PKN2: variants seen among roughly 807,000 people sequenced by gnomAD.
PKN2 encodes the protein protein kinase N2.
In PKN2, 38 loss-of-function variants were observed where a neutral mutation model predicts 119.1. The ratio of observed to expected loss-of-function variants is 0.32; its 90% CI spans 0.25 to 0.42. PKN2 has a LOEUF of 0.42. PKN2 is among the 10% of genes least tolerant of loss of function. The probability of loss-of-function intolerance (pLI) is 1.00; values close to 1 mark genes in which losing one functional copy is unlikely to be tolerated. For synonymous variants in PKN2, 390 were observed against 384.9 expected (o/e 1.01, Z -0.15); for missense variants, 850 against 1,165.1 (o/e 0.73, Z 3.94).
rs187904669 is a variant in PKN2, at chr1:88,833,569, A to G, written c.*121A>G. 864 of 707,396 alleles carry G rather than the reference A, an allele frequency of 1.2e-3. 12 individuals carry two copies. The highest frequency in any genetic ancestry group is 6.0e-5 in the Non-Finnish European group (25 of 417,068). The allele number at this position is 707,396 out of a possible 1,614,324, so 43.8% of individuals were successfully genotyped here. On this transcript the variant is annotated 3_prime_UTR_variant, in exon 22 of 22. Transcript: ENST00000370521. ...TTTTTTGTTGTTGTTGTTTTTATTGAAACACGTGAAGATTTGTTTAAAAGT... is the reference window on the plus strand; with the variant it reads ...TTTTTTGTTGTTGTTGTTTTTATTGGAACACGTGAAGATTTGTTTAAAAGT...
At chr1:88,808,773 A>G (rs1251507922) in intron 15 of PKN2, among the ~76,000 whole-genome samples, 1 of 152,162 alleles carries the variant, frequency 6.6e-6, no homozygotes, top group Non-Finnish European at 1.5e-5. Flanking sequence ...TTTTTCTTAC[A>G]CCACTGTAGG....
At chr1:88,729,540 C>G (rs991869562) in intron 1 of PKN2, among the ~76,000 whole-genome samples, 7 of 152,182 alleles carry the variant, frequency 4.6e-5, no homozygotes, top group Non-Finnish European at 1.5e-5. Context: ...CCTCTTTCCA[C>G]ATGGTTTCTC....
At chr1:88,752,515 C>T (rs1367121542) in intron 2 of PKN2, among the ~76,000 whole-genome samples, 3 of 151,906 alleles carry the variant, frequency 2.0e-5, no homozygotes, top group Non-Finnish European at 2.9e-5. Flanking sequence ...ATTAAAATTT[C>T]GTGGAATGCA....
chr1:88,806,476 A>C (rs1671545385), intron 12 of PKN2, among the ~76,000 whole-genome samples: 1 of 150,656 alleles, frequency 6.6e-6, no homozygotes, highest in South Asian at 2.1e-4. Flanking sequence ...AGCCGAATTT[A>C]TGTTTCTTAT....
intron 1 of PKN2, among the ~76,000 whole-genome samples, chr1:88,716,736 G>T (rs1667473839): frequency 6.6e-6 from 1 of 152,110 alleles, no homozygotes; most frequent in South Asian, 2.1e-4. Context: ...GATGGGTCTT[G>T]ACTGTTTATC....
chr1:88,771,670 C>T lies in PKN2; in HGVS notation c.776C>T (p.Ala259Val), dbSNP rs375574349. The T allele has an allele frequency of 9.3e-6, 15 of 1,613,070 alleles. No homozygotes were observed. The highest frequency in any genetic ancestry group is 1.1e-5 in the Non-Finnish European group (13 of 1,179,304). ...GTCTTTTCCCTGTGCAAGGCTCAAG[C>T]AAGATTTAATGAATCAAGTCAGAAG... ...TDRKALSEAQ[A>V]RFNESSQKLD... Residue 259 changes from alanine (A) to valine (V), a missense_variant, in exon 6 of 22, where the codon GCA (alanine) becomes GTA (valine). Physicochemically the swap from Ala to Val is moderately conservative, Grantham distance 64. Around this residue, in one of 9 missense-constraint regions of PKN2, gnomAD observed 350 missense variants for 511.1 expected, o/e 0.68. Transcript: ENST00000370521.
chr1:88,765,147 T>C (rs572087310), intron 3 of PKN2, among the ~76,000 whole-genome samples: 4 of 152,238 alleles, frequency 2.6e-5, no homozygotes, highest in African/African-American at 9.6e-5. Context: ...CAGGCTGGTC[T>C]TGAGCTCCTG....
At chr1:88,817,292 C>G (rs1365688732) in intron 16 of PKN2, among the ~76,000 whole-genome samples, 1 of 151,004 alleles carries the variant, frequency 6.6e-6, no homozygotes, top group Non-Finnish European at 1.5e-5. Flanking sequence ...GAACCAATGA[C>G]AAAAACTACA....
chr1:88,687,066 A>G (rs2100638499), intron 1 of PKN2, among the ~76,000 whole-genome samples: 1 of 152,256 alleles, frequency 6.6e-6, no homozygotes, highest in African/African-American at 2.4e-5. Flanking sequence ...ATATTTATTT[A>G]GAAATATATC....
chr1:88,815,344 A>G (rs113360887), intron 16 of PKN2: 8 of 241,480 alleles, frequency 3.3e-5, no homozygotes, highest in African/African-American at 1.4e-4. Context: ...TCTCAGATCA[A>G]AGGTCATTTC....
chr1:88,791,661 C>A (rs1208070114), intron 8 of PKN2, among the ~76,000 whole-genome samples: 2 of 152,134 alleles, frequency 1.3e-5, no homozygotes, highest in Non-Finnish European at 1.5e-5. Flanking sequence ...CAAACTACTT[C>A]CATTGAACAG....
intron 1 of PKN2, among the ~76,000 whole-genome samples, chr1:88,694,979 T>A (rs568305156): frequency 6.6e-6 from 1 of 152,260 alleles, no homozygotes; most frequent in Non-Finnish European, 1.5e-5. Context: ...TACAAAAAAT[T>A]AGCCGGGCGT....
At position 88,771,884 on chromosome 1, in the gene PKN2, G is replaced by A. The variant is rs1402179569; in HGVS notation, c.985+5G>A. 5 of 1,577,652 alleles carry A rather than the reference G, an allele frequency of 3.2e-6. No individual in the cohort carries two copies. The Admixed American group carries it at 6.7e-5, about 21-fold the overall frequency. On this transcript the variant is annotated splice_donor_5th_base_variant and intron_variant, in intron 6 of 21. Transcript: ENST00000370521. ...CCAAACCAGCAGCACTAACAGGTAT[G>A]TAGTGTATAGCCATTGTTTTTTGTG...
At position 88,829,076 on chromosome 1, in the gene PKN2, G is replaced by A. The variant is rs978796652; in HGVS notation, c.2562+453G>A. The A allele has an allele frequency of 1.2e-5, 8 of 675,720 alleles. No homozygotes were observed. The African/African-American group carries it at 1.2e-4, about 11-fold the overall frequency. The allele number at this position is 675,720 out of a possible 1,614,324, so 41.9% of individuals were successfully genotyped here. A position where few individuals can be genotyped will look rare whatever the true frequency, so the allele number is the denominator to read the frequency against. On this transcript the variant is annotated intron_variant, in intron 19 of 21. Coordinates refer to ENST00000370521, the MANE Select transcript of PKN2 (RefSeq NM_006256.4). ...GGAAACTACTGAAGTTCCTGGGGAA[G>A]CAAAGTAGAATTTCGTAAGAACAAA...
intron 1 of PKN2, among the ~76,000 whole-genome samples, chr1:88,725,354 T>C (rs1667854802): frequency 6.6e-6 from 1 of 152,188 alleles, no homozygotes. Context: ...TATACCACCT[T>C]ACATTCCATA....
rs981816777 is a variant in PKN2, at chr1:88,781,155, A to G, written c.986-3484A>G. ...ACACATGACGAAAAGATGAACATGG[A>G]TGAATAGTAAGAGCATTTGCTGTTC... On this transcript the variant is annotated intron_variant, in intron 6 of 21. Coordinates refer to ENST00000370521, the MANE Select transcript of PKN2 (RefSeq NM_006256.4). 33 of 1,280,976 alleles carry G rather than the reference A, an allele frequency of 2.6e-5. 1 individual carries two copies. The Middle Eastern group carries it at 1.7e-3, about 66-fold the overall frequency. The allele number at this position is 1,280,976 out of a possible 1,614,324, so 79.4% of individuals were successfully genotyped here. A position where few individuals can be genotyped will look rare whatever the true frequency, so the allele number is the denominator to read the frequency against.
chr1:88,732,640 T>G (rs1273593681), intron 1 of PKN2, among the ~76,000 whole-genome samples: 1 of 152,174 alleles, frequency 6.6e-6, no homozygotes, highest in Non-Finnish European at 1.5e-5. Flanking sequence ...ATTTTAAAAT[T>G]ATTGAATTGA....
intron 1 of PKN2, among the ~76,000 whole-genome samples, chr1:88,736,955 G>A (rs771483514): frequency 1.8e-4 from 28 of 152,180 alleles, no homozygotes; most frequent in Non-Finnish European, 1.6e-4. Context: ...GACACGTTAG[G>A]CACTGTGTCA....
chr1:88,745,750 A>G (rs979352018), intron 2 of PKN2, among the ~76,000 whole-genome samples: 1 of 152,136 alleles, frequency 6.6e-6, no homozygotes, highest in African/African-American at 2.4e-5. Context: ...CCTAAAATTT[A>G]TATGGAATCA....
Sources: allele counts gnomAD v4.1 joint callset (sites outside exome capture counted in the v4.1 genomes callset), GRCh38; gene constraint gnomAD v4.1.1; regional missense constraint gnomAD v4.1.1; transcripts MANE v1.5; gene names NCBI Gene and HGNC (gene_info 2026-07-23, HGNC 2026-07-21).